The following YWHAE variants were observed in gnomAD, a reference collection of about 807,000 sequenced individuals.
YWHAE encodes the protein tyrosine 3-monooxygenase/tryptophan 5-monooxygenase activation protein epsilon.
In YWHAE, 4 loss-of-function variants were observed where a neutral mutation model predicts 30.1. The observed-to-expected ratio is 0.13, with a 90% CI of 0.07 to 0.30. YWHAE has a LOEUF of 0.30. Ranked by LOEUF, YWHAE falls within the 10% of genes least tolerant of loss-of-function variation. The pLI is 1.00. For missense variants in YWHAE, 121 were observed against 315.9 expected, an observed-to-expected ratio of 0.38 and a Z score of 4.68; for synonymous variants, 118 against 111.8, an observed-to-expected ratio of 1.06 and a Z score of -0.35.
intron 1 of YWHAE, among the ~76,000 whole-genome samples, chr17:1,395,452 C>T (rs2150880628): frequency 6.6e-6 from 1 of 152,288 alleles, no homozygotes; most frequent in African/African-American, 2.4e-5. Context: ...CCGCTTGAAC[C>T]TGGGAGGCGG....
chr17:1,362,075 T>C, intron 2 of YWHAE, 67 bp from the exon 3 acceptor site: 3 of 965,896 alleles, frequency 3.1e-6, no homozygotes, highest in Non-Finnish European at 4.4e-6. Context: ...TTACATATTC[T>C]ATCTCTGGTT....
rs555047781 is a variant in YWHAE, at chr17:1,360,244, G to A, written c.578+848C>T. ...CCCAAAGTGCTGGGATTACAGGCGTGAGCCACTGCACCCAGGCTATCACAA... is the reference window on the plus strand; with the variant it reads ...CCCAAAGTGCTGGGATTACAGGCGTAAGCCACTGCACCCAGGCTATCACAA... On this transcript the variant is annotated intron_variant, in intron 4 of 5. Coordinates refer to ENST00000264335, the MANE Select transcript of YWHAE (RefSeq NM_006761.5). Among the ~76,000 whole-genome samples, 30 of 152,164 alleles carry A rather than the reference G, an allele frequency of 2.0e-4. 1 individual carries two copies. Among genetic ancestry groups the A allele is most frequent in the Middle Eastern group, 3.4e-3 (1 of 294 alleles).
rs2072858537 is a variant in YWHAE at position 1,361,187 on chromosome 17, T to A, written c.483A>T (p.Thr161=). The change falls in exon 4 of 6, where the codon ACA becomes ACT. Residue 161 remains threonine (T), a synonymous_variant. Coordinates refer to ENST00000264335, the MANE Select transcript of YWHAE (RefSeq NM_006761.5). ...AYKAASDIAM[T]ELPPTHPIRL... ...GAATAGGATGCGTTGGTGGAAGTTCTGTCATTGCAATATCACTAGCAGCTT... is the reference window on the plus strand; with the variant it reads ...GAATAGGATGCGTTGGTGGAAGTTCAGTCATTGCAATATCACTAGCAGCTT... The A allele has an allele frequency of 6.2e-7, 1 of 1,614,026 alleles. No homozygotes were observed. The highest frequency in any genetic ancestry group is 1.1e-5 in the South Asian group (1 of 91,090).
chr17:1,355,998 C>G (rs1279299872), intron 4 of YWHAE, among the ~76,000 whole-genome samples: 1 of 152,132 alleles, frequency 6.6e-6, no homozygotes, highest in Non-Finnish European at 1.5e-5. Context: ...GAAACCCCGT[C>G]TCTACTAAAA....
chr17:1,359,426 T>C (rs190219140), intron 4 of YWHAE, among the ~76,000 whole-genome samples: 1 of 152,276 alleles, frequency 6.6e-6, no homozygotes, highest in African/African-American at 2.4e-5. Context: ...GTACTCACCA[T>C]AGGGAAAAGG....
intron 5 of YWHAE, among the ~76,000 whole-genome samples, chr17:1,346,851 C>T (rs992615426): frequency 2.0e-5 from 3 of 151,196 alleles, no homozygotes; most frequent in Non-Finnish European, 2.9e-5. Context: ...ATTAGCCTGG[C>T]GTGGTGGCAC....
At chr17:1,378,944 T>G (rs1304431886) in intron 1 of YWHAE, among the ~76,000 whole-genome samples, 8 of 147,132 alleles carry the variant, frequency 5.4e-5, no homozygotes, top group Non-Finnish European at 1.0e-4. Flanking sequence ...AGCAAAACTC[T>G]GTCTCAAAAA....
At chr17:1,355,815 G>T (rs896132786) in intron 4 of YWHAE, among the ~76,000 whole-genome samples, 4 of 152,130 alleles carry the variant, frequency 2.6e-5, no homozygotes, top group Non-Finnish European at 4.4e-5. Context: ...CGTGCGCGCA[G>T]ATCACTTGAG....
intron 5 of YWHAE, among the ~76,000 whole-genome samples, 182 bp downstream of exon 5, chr17:1,354,029 C>A (rs866902500): frequency 6.6e-6 from 1 of 152,124 alleles, no homozygotes; most frequent in Admixed American, 6.6e-5. Context: ...AACTAAGTTC[C>A]CAAAATGGAA....
intron 1 of YWHAE, among the ~76,000 whole-genome samples, chr17:1,390,838 G>A (rs1307782074): frequency 6.6e-6 from 1 of 152,142 alleles, no homozygotes; most frequent in African/African-American, 2.4e-5. Flanking sequence ...ATGGTAGATT[G>A]TTGGAAGGGC....
At chr17:1,346,939 C>T (rs1012766041) in intron 5 of YWHAE, among the ~76,000 whole-genome samples, 8 of 142,162 alleles carry the variant, frequency 5.6e-5, no homozygotes, top group African/African-American at 1.8e-4. Context: ...TGCAGCGAGC[C>T]AAGAACATGC....
At chr17:1,377,454 G>T (rs1161054095) in intron 1 of YWHAE, among the ~76,000 whole-genome samples, 1 of 152,076 alleles carries the variant, frequency 6.6e-6, no homozygotes, top group Non-Finnish European at 1.5e-5. Context: ...ACATAAAAAG[G>T]TTCTGTCAGA....
chr17:1,376,564 G>A (rs1407220326), intron 1 of YWHAE, among the ~76,000 whole-genome samples: 2 of 152,026 alleles, frequency 1.3e-5, no homozygotes, highest in African/African-American at 4.8e-5. Context: ...CAACTCCTGG[G>A]CTCAAGCAAT....
At chr17:1,366,975 T>C (rs185222950) in intron 1 of YWHAE, among the ~76,000 whole-genome samples, 96 of 151,994 alleles carry the variant, frequency 6.3e-4, no homozygotes, top group African/African-American at 2.2e-3. Flanking sequence ...CAAAACACTA[T>C]TAAATTAAGG....
intron 1 of YWHAE, chr17:1,399,101 C>A (rs1267981318): frequency 6.6e-6 from 1 of 152,090 alleles, no homozygotes; most frequent in African/African-American, 2.4e-5. Flanking sequence ...CATCACGGTG[C>A]GCACAAACTG....
rs141427759 is a variant in YWHAE, at chr17:1,345,392, G to C, written c.*55C>G. On this transcript the variant is annotated 3_prime_UTR_variant, in exon 6 of 6. Coordinates refer to ENST00000264335, the MANE Select transcript of YWHAE (RefSeq NM_006761.5). ...CAGTGACAATGGGGAGTTTCCAAAG[G>C]GTGGGATGGGGAGGAGGGGGTGGTC... The C allele has an allele frequency of 1.3e-6, 2 of 1,584,500 alleles. No homozygotes were observed. Among genetic ancestry groups the C allele is most frequent in the African/African-American group, 1.3e-5 (1 of 74,256 alleles).
intron 1 of YWHAE, among the ~76,000 whole-genome samples, chr17:1,392,830 A>C (rs2073408921): frequency 6.6e-6 from 1 of 151,800 alleles, no homozygotes; most frequent in Non-Finnish European, 1.5e-5. Flanking sequence ...AGCCTGAATG[A>C]CAAGAGGGAA....
chr17:1,359,891 G>C (rs1026150674), intron 4 of YWHAE, among the ~76,000 whole-genome samples: 6 of 136,934 alleles, frequency 4.4e-5, no homozygotes, highest in East Asian at 4.6e-4. Flanking sequence ...GAGAGGGAGA[G>C]GGAGACGGGG....
At position 1,361,933 on chromosome 17, in the gene YWHAE, T is replaced by A. The variant is rs780263256; in HGVS notation, c.340A>T (p.Thr114Ser). 25 of 1,606,404 alleles carry A rather than the reference T, an allele frequency of 1.6e-5. No homozygotes were observed. The African/African-American group carries it at 3.2e-4, about 21-fold the overall frequency. The change falls in exon 3 of 6, where the codon ACT becomes TCT. Residue 114 changes from threonine (T) to serine (S), a missense_variant. By Grantham distance (58) the Thr-to-Ser change is moderately conservative (BLOSUM62 1). Around this residue, in one of 2 missense-constraint regions of YWHAE, gnomAD observed 99 missense variants for 289.3 expected, o/e 0.34. Coordinates refer to ENST00000264335, the MANE Select transcript of YWHAE (RefSeq NM_006761.5). The stretch of plus-strand genomic sequence containing the variant: ...TAATAGAAAACCTTGGACTCGCCAG[T>A]GTTAGCTGCTGGAATGAGGTGTTTG... ...LDKHLIPAANTGESKVFYYKM... is the reference protein window; with the variant it reads ...LDKHLIPAANSGESKVFYYKM...
Sources: gnomAD v4.1 joint callset for allele counts (sites outside exome capture counted in the v4.1 genomes callset) on GRCh38, gnomAD v4.1.1 for gene constraint, gnomAD v4.1.1 regional missense constraint, MANE v1.5 for transcripts, NCBI Gene and HGNC (gene_info 2026-07-23, HGNC 2026-07-21) for gene names.